Variants in ERC2 observed in about 807,000 individuals in gnomAD.
ERC2 encodes the protein ELKS/RAB6-interacting/CAST family member 2, also known as ERC protein 2.
A neutral mutation model predicts 114.8 loss-of-function variants in ERC2; 42 were observed. That is an observed-to-expected ratio of 0.37 (90% CI 0.29 to 0.47). The LOEUF (loss-of-function observed/expected upper bound fraction) is 0.47. Among genes scored for constraint, ERC2 ranks in the 20% least tolerant of loss-of-function variants. The probability of loss-of-function intolerance (pLI) is 0.99; values close to 1 mark genes in which losing one functional copy is unlikely to be tolerated. For synonymous variants in ERC2, 454 were observed against 425.5 expected (o/e 1.07, Z -0.82); for missense variants, 939 against 1,150.7 (o/e 0.82, Z 2.66).
intron 14 of ERC2, among the ~76,000 whole-genome samples, chr3:55,839,117 AGATAAG>A (rs2061021070): frequency 6.6e-6 from 1 of 151,810 alleles, no homozygotes; most frequent in African/African-American, 2.4e-5. Context: ...AAAGAAACAA[AGATAAG>A]GATAACAGAA....
At position 56,132,991 on chromosome 3, in the gene ERC2, C is replaced by T. The variant is rs557869442; in HGVS notation, c.1473+6518G>A. ...GCCATAGTGTCACTATTATTATAGC[C>T]ATAATGTTACCACGAGGATTTAAGC... On this transcript the variant is annotated intron_variant, in intron 6 of 17. Transcript: ENST00000288221. Among the ~76,000 whole-genome samples the T allele has an allele frequency of 5.9e-5, 9 of 152,320 alleles. 1 individual carries two copies. The highest frequency in any genetic ancestry group is 1.9e-4 in the African/African-American group (8 of 41,584).
At chr3:55,536,987 C>T (rs987732219) in intron 17 of ERC2, among the ~76,000 whole-genome samples, 3 of 152,110 alleles carry the variant, frequency 2.0e-5, no homozygotes, top group Non-Finnish European at 4.4e-5. Context: ...TGACAGAGGG[C>T]AAAAGAAAAG....
intron 14 of ERC2, among the ~76,000 whole-genome samples, chr3:55,785,113 A>C (rs1206618976): frequency 1.3e-5 from 2 of 152,210 alleles, no homozygotes; most frequent in African/African-American, 4.8e-5. Flanking sequence ...ACATCATTAG[A>C]TATAGGCCTT....
chr3:56,257,115 C>A lies in ERC2; in HGVS notation c.1074+38904G>T, dbSNP rs372615277. ...ATTAAATGAGATAATGTATGTAAAACCACTGGAATGAAACAAGTGCTACCC... is the reference window on the plus strand; with the variant it reads ...ATTAAATGAGATAATGTATGTAAAAACACTGGAATGAAACAAGTGCTACCC... On this transcript the variant is annotated intron_variant, in intron 3 of 17. Coordinates refer to ENST00000288221, the MANE Select transcript of ERC2 (RefSeq NM_015576.3). 1.2e-4 allele frequency among the ~76,000 whole-genome samples: 19 copies of A among 152,222 alleles called. No individual in the cohort carries two copies. In the East Asian group the frequency reaches 3.1e-3, roughly 25 times the overall value.
At chr3:56,199,762 G>T (rs571119665) in intron 3 of ERC2, among the ~76,000 whole-genome samples, 3 of 152,172 alleles carry the variant, frequency 2.0e-5, no homozygotes, top group South Asian at 2.1e-4. Context: ...TCCCATCTTG[G>T]CCTCCCAAAG....
intron 14 of ERC2, among the ~76,000 whole-genome samples, chr3:55,765,080 TGTCAGA>T (rs936416076): frequency 6.6e-6 from 1 of 152,214 alleles, no homozygotes; most frequent in Non-Finnish European, 1.5e-5. Flanking sequence ...TGTCTTCCAA[TGTCAGA>T]AAAATAGGTC....
chr3:56,312,599 G>T (rs113952880), intron 2 of ERC2, among the ~76,000 whole-genome samples: 3 of 151,950 alleles, frequency 2.0e-5, no homozygotes, highest in African/African-American at 7.3e-5. Context: ...TATGTTAAAT[G>T]CTATGTATCA....
At chr3:56,025,842 AT>A (rs1362804843) in intron 7 of ERC2, among the ~76,000 whole-genome samples, 2 of 151,960 alleles carry the variant, frequency 1.3e-5, no homozygotes, top group Non-Finnish European at 1.5e-5. Context: ...TTATACCCAT[AT>A]TTTTTCTTTG....
intron 10 of ERC2, among the ~76,000 whole-genome samples, chr3:56,004,260 T>A (rs1347524307): frequency 6.6e-6 from 1 of 152,088 alleles, no homozygotes; most frequent in Non-Finnish European, 1.5e-5. Context: ...ACGTCAATTA[T>A]CAGCCTCTTC....
At chr3:56,346,332 C>T (rs2058305735) in intron 2 of ERC2, among the ~76,000 whole-genome samples, 1 of 152,052 alleles carries the variant, frequency 6.6e-6, no homozygotes, top group African/African-American at 2.4e-5. Context: ...TGTTGGCCAA[C>T]TTAATGTGAT....
chr3:56,336,687 G>A (rs1308589513), intron 2 of ERC2, among the ~76,000 whole-genome samples: 4 of 152,100 alleles, frequency 2.6e-5, no homozygotes, highest in African/African-American at 9.7e-5. Flanking sequence ...CCAGCTACTC[G>A]GGAGGCTGAG....
At chr3:55,779,670 A>T (rs2068888053) in intron 14 of ERC2, among the ~76,000 whole-genome samples, 1 of 152,226 alleles carries the variant, frequency 6.6e-6, no homozygotes, top group Non-Finnish European at 1.5e-5. Context: ...ACATTGCAGA[A>T]AGAATACAAA....
At chr3:55,726,394 G>A (rs1449969860) in intron 15 of ERC2, among the ~76,000 whole-genome samples, 1 of 152,226 alleles carries the variant, frequency 6.6e-6, no homozygotes, top group East Asian at 1.9e-4. Flanking sequence ...AGCACTGAAA[G>A]TGTAAATGGG....
At chr3:56,299,347 C>A (rs2055703490) in intron 2 of ERC2, among the ~76,000 whole-genome samples, 1 of 151,540 alleles carries the variant, frequency 6.6e-6, no homozygotes, top group Admixed American at 6.6e-5. Context: ...TCAGGATGGT[C>A]TCGATCTCCT....
At chr3:55,840,903 C>G (rs1169569603) in intron 14 of ERC2, among the ~76,000 whole-genome samples, 1 of 151,998 alleles carries the variant, frequency 6.6e-6, no homozygotes, top group Non-Finnish European at 1.5e-5. Flanking sequence ...TTGCAAACTA[C>G]TATATAGCAG....
At chr3:56,316,808 T>C (rs949662197) in intron 2 of ERC2, among the ~76,000 whole-genome samples, 2 of 152,226 alleles carry the variant, frequency 1.3e-5, no homozygotes, top group African/African-American at 4.8e-5. Context: ...GAAACATTTT[T>C]AAGGCTATAA....
chr3:55,800,646 A>C (rs1434017848), intron 14 of ERC2, among the ~76,000 whole-genome samples: 1 of 152,054 alleles, frequency 6.6e-6, no homozygotes, highest in Non-Finnish European at 1.5e-5. Context: ...GATGAAAAAC[A>C]AGAGTAGAGG....
intron 14 of ERC2, among the ~76,000 whole-genome samples, chr3:55,864,138 T>TATATATACACATATATATAC (rs1559782811): frequency 2.5e-4 from 31 of 124,102 alleles, no homozygotes; most frequent in African/African-American, 9.7e-4. Flanking sequence ...CATATATATA[T>TATATATACACATATATATAC]ACATATATAT....
At chr3:55,798,772 A>T (rs2070732872) in intron 14 of ERC2, among the ~76,000 whole-genome samples, 1 of 152,156 alleles carries the variant, frequency 6.6e-6, no homozygotes, top group African/African-American at 2.4e-5. Context: ...AGGGTAAAAG[A>T]AGGACATTTT....
Sources: allele counts gnomAD v4.1 joint callset (sites outside exome capture counted in the v4.1 genomes callset), GRCh38; gene constraint gnomAD v4.1.1; transcripts MANE v1.5; gene names NCBI Gene and HGNC (gene_info 2026-07-23, HGNC 2026-07-21).